The following NETO2 variants were observed in gnomAD, a reference collection of about 807,000 sequenced individuals.
NETO2 encodes the protein neuropilin and tolloid like 2.
Under a neutral mutation model 62.5 loss-of-function variants are expected in NETO2, and 28 were observed. The ratio of observed to expected loss-of-function variants is 0.45; its 90% CI spans 0.33 to 0.61. NETO2 has a LOEUF of 0.61. NETO2 is among the 20% of genes least tolerant of loss of function. The pLI is 0.02. For missense variants in NETO2, 548 were observed against 643.2 expected (o/e 0.85, Z 1.60); for synonymous variants, 214 against 219.1 (o/e 0.98, Z 0.21).
rs977893846 is a variant in NETO2, at chr16:47,078,708, G to C, written c.*4513C>G. 6.6e-6 allele frequency: 1 copy of C among 152,136 alleles called. No homozygotes were observed. Among genetic ancestry groups the C allele is most frequent in the Non-Finnish European group, 1.5e-5 (1 of 68,004 alleles). The allele number at this position is 152,136 out of a possible 1,614,324, so 9.4% of individuals were successfully genotyped here. On this transcript the variant is annotated 3_prime_UTR_variant, in exon 9 of 9. Transcript: ENST00000562435. ...ATGGCACACAAATATTTAATTTCTA[G>C]AATACACGTCTCCTTTAGATTTAAA... is the stretch of plus-strand genomic sequence containing the variant.
intron 7 of NETO2, among the ~76,000 whole-genome samples, chr16:47,107,148 A>C (rs1277852887): frequency 2.0e-5 from 3 of 152,244 alleles, no homozygotes; most frequent in African/African-American, 4.8e-5. Flanking sequence ...ATAAGAAAAA[A>C]TGGCACATAA....
intron 7 of NETO2, among the ~76,000 whole-genome samples, chr16:47,104,882 G>A (rs1375166684): frequency 1.3e-5 from 2 of 152,068 alleles, no homozygotes; most frequent in Non-Finnish European, 2.9e-5. Context: ...ACCACGCCTG[G>A]CTAAATTTTG....
chr16:47,098,058 G>A (rs1963464573), intron 7 of NETO2, among the ~76,000 whole-genome samples: 1 of 152,142 alleles, frequency 6.6e-6, no homozygotes, highest in Non-Finnish European at 1.5e-5. Flanking sequence ...ATAAATCCAT[G>A]AAGATAAGGA....
chr16:47,102,980 C>G (rs1263093407), intron 7 of NETO2, among the ~76,000 whole-genome samples: 1 of 152,148 alleles, frequency 6.6e-6, no homozygotes, highest in Admixed American at 6.5e-5. Flanking sequence ...GCTATAAAGG[C>G]ACATGCACAC....
At chr16:47,124,389 C>T (rs1240779838) in intron 4 of NETO2, among the ~76,000 whole-genome samples, 2 of 151,876 alleles carry the variant, frequency 1.3e-5, no homozygotes, top group Non-Finnish European at 2.9e-5. Flanking sequence ...CAGTTATGTC[C>T]AGGAACTAAC....
Position 47,111,877 on chromosome 16 carries a change from C to T in NETO2, c.655-2166G>A, listed in dbSNP as rs1963808607. 4.6e-5 allele frequency among the ~76,000 whole-genome samples: 7 copies of T among 152,106 alleles called. No individual in the cohort carries two copies. The South Asian group carries it at 1.5e-3, about 32-fold the overall frequency. ...GTAAAGAGGCTTTTCCAACTCCCTA[C>T]ACACTGACACTTTTATTTCTCAATT... is the stretch of plus-strand genomic sequence containing the variant. On this transcript the variant is annotated intron_variant, in intron 6 of 8. Transcript: ENST00000562435.
chr16:47,104,970 T>C (rs565526959), intron 7 of NETO2, among the ~76,000 whole-genome samples: 1 of 152,332 alleles, frequency 6.6e-6, no homozygotes, highest in African/African-American at 2.4e-5. Flanking sequence ...TCCACCCACC[T>C]TGGCCTCCCA....
chr16:47,124,817 T>C (rs1049217845), intron 4 of NETO2, among the ~76,000 whole-genome samples: 3 of 152,224 alleles, frequency 2.0e-5, no homozygotes, highest in East Asian at 1.9e-4. Flanking sequence ...CTCCTGACAT[T>C]AGTCATTAGC....
intron 4 of NETO2, among the ~76,000 whole-genome samples, chr16:47,125,490 C>T (rs1002234470): frequency 1.1e-4 from 16 of 151,942 alleles, no homozygotes; most frequent in Admixed American, 3.3e-4. Flanking sequence ...GGATTACAGA[C>T]GTGCACCACC....
intron 4 of NETO2, among the ~76,000 whole-genome samples, chr16:47,124,503 ATTTAT>A (rs1206672709): frequency 1.3e-5 from 2 of 152,156 alleles, no homozygotes; most frequent in Non-Finnish European, 2.9e-5. Flanking sequence ...CCTAGACAAA[ATTTAT>A]TTTATTAACA....
intron 6 of NETO2, among the ~76,000 whole-genome samples, chr16:47,121,821 C>G (rs1329036249): frequency 6.6e-6 from 1 of 152,164 alleles, no homozygotes; most frequent in Non-Finnish European, 1.5e-5. Context: ...CTACAGTTCT[C>G]TCTCTTCATT....
intron 4 of NETO2, among the ~76,000 whole-genome samples, chr16:47,127,551 T>C (rs1044449003): frequency 2.6e-5 from 4 of 152,188 alleles, no homozygotes; most frequent in African/African-American, 9.6e-5. Flanking sequence ...AGGCTGAGAC[T>C]GAGGTGATGC....
Position 47,143,898 on chromosome 16 carries a change from A to G in NETO2, c.-286T>C. 1 of 211,794 alleles carries G rather than the reference A, an allele frequency of 4.7e-6. No homozygotes were observed. The highest frequency in any genetic ancestry group is 9.1e-6 in the Non-Finnish European group (1 of 109,784). 13.1% of individuals were successfully genotyped at this position (211,794 alleles called of 1,614,324 possible). A position where few individuals can be genotyped will look rare whatever the true frequency, so the allele number is the denominator to read the frequency against. On this transcript the variant is annotated 5_prime_UTR_variant, in exon 1 of 9. Coordinates refer to ENST00000562435, the MANE Select transcript of NETO2 (RefSeq NM_018092.5). ...GAGGAGTGCGGACGCGCGGCGCGGG[A>G]CCGGCAGGCAGCTCCGCCCGCGGCC...
At chr16:47,114,751 G>C (rs1226503766) in intron 6 of NETO2, among the ~76,000 whole-genome samples, 2 of 151,992 alleles carry the variant, frequency 1.3e-5, no homozygotes, top group Admixed American at 1.3e-4. Context: ...CGCCCAGCCT[G>C]AATTTTTCTT....
chr16:47,088,758 T>C (rs1234858093), intron 7 of NETO2, among the ~76,000 whole-genome samples: 1 of 152,214 alleles, frequency 6.6e-6, no homozygotes, highest in African/African-American at 2.4e-5. Context: ...GTTTGGAATA[T>C]CTGACCACAT....
At position 47,081,536 on chromosome 16, in the gene NETO2, G is replaced by A. The variant is rs985928584; in HGVS notation, c.*1685C>T. 4.6e-5 allele frequency: 7 copies of A among 152,406 alleles called. No individual in the cohort carries two copies. The highest frequency in any genetic ancestry group is 1.7e-4 in the African/African-American group (7 of 41,402). 9.4% of individuals were successfully genotyped at this position (152,406 alleles called of 1,614,324 possible). A position where few individuals can be genotyped will look rare whatever the true frequency, so the allele number is the denominator to read the frequency against. On this transcript the variant is annotated 3_prime_UTR_variant, in exon 9 of 9. Transcript: ENST00000562435. ...TTTTGATACAAGAAAGCACTCTGAG[G>A]CAGTATATGTGTATTAAATTTAAGG... is the stretch of plus-strand genomic sequence containing the variant.
At chr16:47,093,529 G>A (rs1963358948) in intron 7 of NETO2, among the ~76,000 whole-genome samples, 1 of 152,182 alleles carries the variant, frequency 6.6e-6, no homozygotes, top group African/African-American at 2.4e-5. Flanking sequence ...GGCAGGTACT[G>A]TTCCATGCAT....
At position 47,109,453 on chromosome 16, in the gene NETO2, A is replaced by T. The variant is rs367900171; in HGVS notation, c.883+30T>A. 2.5e-4 allele frequency: 371 copies of T among 1,503,320 alleles called. 1 individual carries two copies. Among genetic ancestry groups the T allele is most frequent in the Non-Finnish European group, 3.3e-4 (353 of 1,081,722 alleles). The allele number at this position is 1,503,320 out of a possible 1,614,324, so 93.1% of individuals were successfully genotyped here. A position where few individuals can be genotyped will look rare whatever the true frequency, so the allele number is the denominator to read the frequency against. On this transcript the variant is annotated intron_variant, in intron 7 of 8. Coordinates refer to ENST00000562435, the MANE Select transcript of NETO2 (RefSeq NM_018092.5). ...TGAATGAGTGAAAAATATGTAAAAG[A>T]TCTCAATACTATAGGAATTATTTAC...
rs913095464 is a variant in NETO2, at chr16:47,088,269, C to A, written c.884-1930G>T. On this transcript the variant is annotated intron_variant, in intron 7 of 8. Transcript: ENST00000562435. ...TACAGGCACGTGTCACCATGCCCAG[C>A]TAATTTGTGTATTTTTAGTGGAGGT... Among the ~76,000 whole-genome samples, 5 of 152,252 alleles carry A rather than the reference C, an allele frequency of 3.3e-5. No homozygotes were observed. The East Asian group carries it at 7.7e-4, about 24-fold the overall frequency.
Sources: gnomAD v4.1 joint callset for allele counts (sites outside exome capture counted in the v4.1 genomes callset) on GRCh38, gnomAD v4.1.1 for gene constraint, MANE v1.5 for transcripts, NCBI Gene and HGNC (gene_info 2026-07-23, HGNC 2026-07-21) for gene names.